The following WNT9B variants were observed in gnomAD, a reference collection of about 807,000 sequenced individuals.
The protein encoded by WNT9B is protein Wnt-9b.
In WNT9B, 12 loss-of-function variants were observed where a neutral mutation model predicts 30.2. The observed-to-expected ratio is 0.40, with a 90% CI of 0.26 to 0.64. The LOEUF is 0.64. WNT9B is among the 30% of genes least tolerant of loss of function. WNT9B has a pLI of 0.42. For missense variants in WNT9B, 442 were observed against 485.2 expected, an observed-to-expected ratio of 0.91 and a Z score of 0.84; for synonymous variants, 218 against 216.9, an observed-to-expected ratio of 1.01 and a Z score of -0.05.
intron 1 of WNT9B, among the ~76,000 whole-genome samples, chr17:46,858,036 T>A (rs2084968306): frequency 6.6e-6 from 1 of 152,176 alleles, no homozygotes; most frequent in Non-Finnish European, 1.5e-5. Context: ...TTCAAGCAAT[T>A]CTTGTGGCTC....
At chr17:46,864,825 G>A (rs62071988) in intron 1 of WNT9B, among the ~76,000 whole-genome samples, 135 of 152,162 alleles carry the variant, frequency 8.9e-4, no homozygotes, top group Non-Finnish European at 1.6e-3. Flanking sequence ...GTGGCCACCG[G>A]AGACCTGCAC....
chr17:46,879,963 T>C lies in WNT9B; in HGVS notation c.*3245T>C, dbSNP rs73316356. On this transcript the variant is annotated 3_prime_UTR_variant, in exon 4 of 4. Transcript: ENST00000290015. ...GCCCAAGAAGCTTGGGCTACACCAC[T>C]GGGCCCCTCCCAACCTACAGATGAA... 7.0e-3 allele frequency among the ~76,000 whole-genome samples: 1,064 copies of C among 152,354 alleles called. 15 individuals are homozygous for C. The highest frequency in any genetic ancestry group is 0.024 in the African/African-American group (992 of 41,594).
At chr17:46,836,028 C>T (rs1457159967) in intron 1 of WNT9B, among the ~76,000 whole-genome samples, 1 of 150,748 alleles carries the variant, frequency 6.6e-6, no homozygotes, top group African/African-American at 2.5e-5. Context: ...ATGGGGCCTG[C>T]GAGGATGGTC....
At position 46,877,265 on chromosome 17, in the gene WNT9B, G is replaced by A. The variant is rs1309836617; in HGVS notation, c.*547G>A. Among the ~76,000 whole-genome samples, 1 of 152,242 alleles carries A rather than the reference G, an allele frequency of 6.6e-6. No homozygotes were observed. Among genetic ancestry groups the A allele is most frequent in the Non-Finnish European group, 1.5e-5 (1 of 68,046 alleles). On this transcript the variant is annotated 3_prime_UTR_variant, in exon 4 of 4. Transcript: ENST00000290015. ...CCACTCCCCTGGTTTTGCTGTGCCA[G>A]AGATGGGGAGAAAGCACAGGTGGTA...
rs780098795 is a variant in WNT9B at position 46,866,529 on chromosome 17, C to T, written c.78-5988C>T. Among the ~76,000 whole-genome samples, 7 of 151,928 alleles carry T rather than the reference C, an allele frequency of 4.6e-5. No individual in the cohort carries two copies. In the South Asian group the frequency reaches 1.2e-3, roughly 27 times the overall value. On this transcript the variant is annotated intron_variant, in intron 1 of 3. Transcript: ENST00000290015. ...GAGGGCCAGGAGAGGTAGACTGAGA[C>T]GTTTGAGATGAAAGCACAAAGGGCG...
Position 46,872,679 on chromosome 17 carries a change from T to A in WNT9B, c.240T>A (p.Asp80Glu). Reference protein sequence around the residue: ...REPGLAETLRDAAHLGLLECQ... With the variant: ...REPGLAETLREAAHLGLLECQ... The stretch of plus-strand genomic sequence containing the variant: ...CCGGCCTGGCTGAGACCCTGAGGGA[T>A]GCTGCGCACCTCGGCCTGCTTGAGT... The change falls in exon 2 of 4, where the codon GAT becomes GAA. Residue 80 changes from aspartate (D) to glutamate (E), a missense_variant. Physicochemically the swap from Asp to Glu is conservative, Grantham distance 45. Coordinates refer to ENST00000290015, the MANE Select transcript of WNT9B (RefSeq NM_003396.3). The A allele has an allele frequency of 6.2e-7, 1 of 1,613,542 alleles. No homozygotes were observed. The highest frequency in any genetic ancestry group is 8.5e-7 in the Non-Finnish European group (1 of 1,179,988).
upstream of WNT9B, among the ~76,000 whole-genome samples, chr17:46,849,548 T>C (rs965415471): frequency 2.6e-5 from 4 of 152,176 alleles, no homozygotes; most frequent in African/African-American, 9.7e-5. Context: ...CCTCATCCTC[T>C]AGCTTCTGTG....
chr17:46,848,932 G>GCA (rs60793746), upstream of WNT9B, among the ~76,000 whole-genome samples: 7,589 of 146,272 alleles, frequency 0.052, 615 homozygotes, highest in African/African-American at 0.17. Flanking sequence ...GTGTGCACGT[G>GCA]CACACACACA....
At chr17:46,836,616 A>G (rs755733541) in intron 1 of WNT9B, among the ~76,000 whole-genome samples, 40 of 152,256 alleles carry the variant, frequency 2.6e-4, no homozygotes, top group Non-Finnish European at 5.3e-4. Context: ...GAATCAGCAC[A>G]GTGCCTCTCA....
At chr17:46,850,143 C>A (rs542116034), upstream of WNT9B, among the ~76,000 whole-genome samples, 3 of 152,300 alleles carry the variant, frequency 2.0e-5, no homozygotes, top group Non-Finnish European at 4.4e-5. Flanking sequence ...AGCCAACGTG[C>A]CTGGCCAGCA....
Position 46,874,959 on chromosome 17 carries a change from A to T in WNT9B, c.335-142A>T, listed in dbSNP as rs780552038. 3.0e-6 allele frequency: 4 copies of T among 1,336,218 alleles called. 1 individual carries two copies. The South Asian group carries it at 4.7e-5, about 16-fold the overall frequency. 82.8% of individuals were successfully genotyped at this position (1,336,218 alleles called of 1,614,324 possible). On this transcript the variant is annotated intron_variant, in intron 2 of 3. Transcript: ENST00000290015. ...GAGACCCACCCGGAGCTGTGTCCTC[A>T]AGCCACATTCTCTTGTCCTGCCCAT... is the stretch of plus-strand genomic sequence containing the variant.
upstream of WNT9B, among the ~76,000 whole-genome samples, chr17:46,846,971 AC>A (rs1357498144): frequency 6.6e-6 from 1 of 152,090 alleles, no homozygotes; most frequent in Non-Finnish European, 1.5e-5. Context: ...CCTCCCAAAT[AC>A]CTTTCCTGCA....
intron 1 of WNT9B, among the ~76,000 whole-genome samples, chr17:46,866,401 AGT>A (rs1387720938): frequency 6.6e-6 from 1 of 151,266 alleles, no homozygotes; most frequent in Non-Finnish European, 1.5e-5. Flanking sequence ...TATGTGTGAG[AGT>A]GTGCATGAGT....
chr17:46,863,544 G>A (rs945738048), intron 1 of WNT9B, among the ~76,000 whole-genome samples: 69 of 152,294 alleles, frequency 4.5e-4, no homozygotes, highest in African/African-American at 1.5e-3. Flanking sequence ...GGTTAGAGGG[G>A]GATGGGGCTG....
rs1006694689 is a variant in WNT9B at position 46,877,672 on chromosome 17, C to T, written c.*954C>T. On this transcript the variant is annotated 3_prime_UTR_variant, in exon 4 of 4. Transcript: ENST00000290015. ...GTTTCTCAGCTGGCTCTTGAGTGAG[C>T]TTTGGTGACTTCCTGTGGCTGGGGC... is the stretch of plus-strand genomic sequence containing the variant. Among the ~76,000 whole-genome samples, 2 of 152,198 alleles carry T rather than the reference C, an allele frequency of 1.3e-5. No individual in the cohort carries two copies. The highest frequency in any genetic ancestry group is 4.8e-5 in the African/African-American group (2 of 41,450).
At chr17:46,842,285 G>T (rs75780394) in intron 1 of WNT9B, among the ~76,000 whole-genome samples, 7,234 of 152,302 alleles carry the variant, frequency 0.047, 583 homozygotes, top group African/African-American at 0.16. Context: ...AGGTGAGGTA[G>T]ATATGCCGCT....
At chr17:46,885,082 G>A (rs767294515), downstream of WNT9B, 7 of 435,974 alleles carry the variant, frequency 1.6e-5, no homozygotes, top group East Asian at 7.6e-5. Flanking sequence ...TCCACCTCCC[G>A]GATTCAAGCG....
chr17:46,842,562 G>A (rs1036056118), intron 1 of WNT9B, among the ~76,000 whole-genome samples: 1 of 152,050 alleles, frequency 6.6e-6, no homozygotes, highest in African/African-American at 2.4e-5. Context: ...TGTAGAGATG[G>A]GATCTTGCTT....
At chr17:46,839,027 G>A (rs572527512) in intron 1 of WNT9B, among the ~76,000 whole-genome samples, 46 of 152,140 alleles carry the variant, frequency 3.0e-4, no homozygotes, top group Admixed American at 5.9e-4. Context: ...ACAGGCGCCC[G>A]CCACCATGCC....
Sources: gnomAD v4.1 joint callset for allele counts (sites outside exome capture counted in the v4.1 genomes callset) on GRCh38, gnomAD v4.1.1 for gene constraint, MANE v1.5 for transcripts, NCBI Gene and HGNC (gene_info 2026-07-23, HGNC 2026-07-21) for gene names.